MYO19: variants seen among roughly 807,000 people sequenced by gnomAD.
MYO19 encodes unconventional myosin-XIX.
In MYO19, 132 loss-of-function variants were observed where a neutral mutation model predicts 129.2. The ratio of observed to expected loss-of-function variants is 1.02; its 90% CI spans 0.89 to 1.18. The LOEUF is 1.18. Among genes scored for constraint, MYO19 ranks in the 50% most tolerant of loss-of-function variants. MYO19 has a pLI of 0.00. For synonymous variants in MYO19, 531 were observed against 477.2 expected (o/e 1.11, Z -1.47); for missense variants, 1,210 against 1,216.7 (o/e 0.99, Z 0.08).
intron 2 of MYO19, among the ~76,000 whole-genome samples, chr17:36,540,853 TC>T (rs2074193722): frequency 1.3e-5 from 2 of 152,228 alleles, no homozygotes; most frequent in African/African-American, 4.8e-5. Flanking sequence ...AGTCTTCTAA[TC>T]AACTATCATT....
At chr17:36,534,342 G>A (rs2074000806) in intron 1 of MYO19, 2 of 152,284 alleles carry the variant, frequency 1.3e-5, no homozygotes, top group African/African-American at 4.8e-5. Flanking sequence ...CCCAGGGCTG[G>A]GATGCCGTTC....
rs149375600 is a variant in MYO19 at position 36,542,777 on chromosome 17, A to C, written n.310+349T>G. ...AGCACCTCTAGATACTGAAGGCCAC[A>C]GTATCTTGGCTCACTGCAACTTCCG... On this transcript the variant is annotated intron_variant and non_coding_transcript_variant, in intron 1 of 2. Coordinates refer to the MYO19 transcript ENST00000610496. Among the ~76,000 whole-genome samples the C allele has an allele frequency of 5.2e-3, 781 of 151,040 alleles. 13 individuals are homozygous for C. Among genetic ancestry groups the C allele is most frequent in the East Asian group, 0.026 (131 of 4,994 alleles).
At chr17:36,498,060 GAT>G (rs2071164647) in intron 25 of MYO19, 1 of 558,562 alleles carries the variant, frequency 1.8e-6, no homozygotes. Context: ...TTTTTAAAAA[GAT>G]AAAGGGCTCT....
intron 23 of MYO19, 99 bp downstream of exon 23, chr17:36,500,731 A>G (rs2071457433): frequency 1.4e-6 from 2 of 1,460,070 alleles, no homozygotes; most frequent in Non-Finnish European, 1.8e-6. Flanking sequence ...AGGCTGGGAC[A>G]CAGCTTCAGG....
At position 36,496,414 on chromosome 17, in the gene MYO19, GGA is replaced by G. The variant is rs745758814; in HGVS notation, c.2758-10_2758-9del. The G allele has an allele frequency of 3.7e-6, 6 of 1,613,732 alleles. No homozygotes were observed. The South Asian group carries it at 4.4e-5, about 12-fold the overall frequency. On this transcript the variant is annotated splice_polypyrimidine_tract_variant and intron_variant, in intron 25 of 25. Transcript: ENST00000614623. ...GTGAAACTTTATCGATCCCTAGAGG[GGA>G]GAGAGAGATGCAGCTTTAGCACTAG... is the stretch of plus-strand genomic sequence containing the variant.
chr17:36,498,955 G>A (rs1049472545), intron 24 of MYO19, 120 bp downstream of exon 24: 5 of 742,912 alleles, frequency 6.7e-6, no homozygotes, highest in South Asian at 6.4e-5. Flanking sequence ...GGCTCAGAGA[G>A]GCTAAACAAC....
At chr17:36,535,419 AT>A (rs2074080444), upstream of MYO19, 2 of 152,238 alleles carry the variant, frequency 1.3e-5, no homozygotes, top group South Asian at 4.1e-4. Flanking sequence ...GAGCGCCATG[AT>A]GGGCGGAGAC....
upstream of MYO19, chr17:36,538,121 C>T (rs74323480): frequency 1.6e-3 from 2,640 of 1,614,162 alleles, 50 homozygotes; most frequent in African/African-American, 0.032. Flanking sequence ...TAAAAGTAGC[C>T]TGTTTTCTTT....
intron 6 of MYO19, among the ~76,000 whole-genome samples, chr17:36,517,593 C>A (rs2072838945): frequency 6.6e-6 from 1 of 152,118 alleles, no homozygotes; most frequent in Non-Finnish European, 1.5e-5. Flanking sequence ...AGAGAAAAGT[C>A]TTTTATTTCA....
intron 11 of MYO19, among the ~76,000 whole-genome samples, chr17:36,512,389 C>CAAA (rs551345278): frequency 3.0e-4 from 23 of 77,910 alleles, no homozygotes; most frequent in South Asian, 1.2e-3. Context: ...AACTCCATCT[C>CAAA]AAAAAAAAAA....
chr17:36,516,345 A>G (rs1382661623), intron 6 of MYO19, among the ~76,000 whole-genome samples: 1 of 152,198 alleles, frequency 6.6e-6, no homozygotes. Context: ...CTACTCAATG[A>G]CAGGGCTCCC....
chr17:36,520,916 T>C (rs1019141097), intron 6 of MYO19, among the ~76,000 whole-genome samples: 3 of 152,208 alleles, frequency 2.0e-5, no homozygotes, highest in African/African-American at 4.8e-5. Context: ...TGGCAGACCA[T>C]TTGATATTGT....
intron 3 of MYO19, among the ~76,000 whole-genome samples, chr17:36,529,518 C>A (rs1226421779): frequency 6.6e-6 from 1 of 152,170 alleles, no homozygotes; most frequent in Non-Finnish European, 1.5e-5. Context: ...AATTTCAAAT[C>A]TCTCATAGAA....
chr17:36,507,537 G>A lies in MYO19; in HGVS notation c.1354-25C>T, dbSNP rs950790726. ...CCTAAAGAACAAGGTGGGATGAGGT[G>A]GGAGAAGGCAGCTGTGGTCTGATGT... On this transcript the variant is annotated intron_variant, in intron 15 of 25. Coordinates refer to ENST00000614623, the MANE Select transcript of MYO19 (RefSeq NM_001163735.2). 5 of 1,606,022 alleles carry A rather than the reference G, an allele frequency of 3.1e-6. No homozygotes were observed. The African/African-American group carries it at 5.3e-5, about 17-fold the overall frequency.
chr17:36,500,507 G>T, intron 23 of MYO19: 1 of 309,704 alleles, frequency 3.2e-6, no homozygotes, highest in East Asian at 5.4e-5. Flanking sequence ...AGCAGGTAAT[G>T]GTTTGAGTTG....
chr17:36,513,682 A>G lies in MYO19; in HGVS notation c.764T>C (p.Leu255Pro). The stretch of plus-strand genomic sequence containing the variant: ...CCAGGAGAAGGCAGCTCCCTCAGGA[A>G]GGTGCCACTGGAGCCTCTCGTCCTC... ...ASEDERLQWH[L>P]PEGAAFSWLP... Residue 255 changes from leucine (L) to proline (P), a missense_variant, in exon 10 of 26, where the codon CTT becomes CCT. Coordinates refer to ENST00000614623, the MANE Select transcript of MYO19 (RefSeq NM_001163735.2). 6.2e-7 allele frequency: 1 copy of G among 1,613,956 alleles called. No individual in the cohort carries two copies. The highest frequency in any genetic ancestry group is 8.5e-7 in the Non-Finnish European group (1 of 1,179,882).
rs376145338 is a variant in MYO19, at chr17:36,532,576, G to C, written c.-38C>G. 24 of 1,552,420 alleles carry C rather than the reference G, an allele frequency of 1.5e-5. No homozygotes were observed. The highest frequency in any genetic ancestry group is 2.1e-5 in the Non-Finnish European group (24 of 1,147,484). ...TGGTCAGCCAGGGTTCTGGGTTGCA[G>C]GAGGTACAAGGAGTACTATCCACCT... On this transcript the variant is annotated 5_prime_UTR_variant, in exon 3 of 26. Coordinates refer to ENST00000614623, the MANE Select transcript of MYO19 (RefSeq NM_001163735.2).
chr17:36,532,261 C>T (rs2073875990), intron 3 of MYO19, among the ~76,000 whole-genome samples: 1 of 152,202 alleles, frequency 6.6e-6, no homozygotes, highest in African/African-American at 2.4e-5. Flanking sequence ...TCTCTCAGGA[C>T]TTCCTCTGCA....
chr17:36,544,211 A>G (rs1457314495), upstream of MYO19, among the ~76,000 whole-genome samples: 2 of 152,118 alleles, frequency 1.3e-5, no homozygotes, highest in Non-Finnish European at 2.9e-5. Context: ...GCCAAGACGC[A>G]CACACACACA....
Sources: gnomAD v4.1 joint callset for allele counts (sites outside exome capture counted in the v4.1 genomes callset) on GRCh38, gnomAD v4.1.1 for gene constraint, MANE v1.5 for transcripts, NCBI Gene and HGNC (gene_info 2026-07-23, HGNC 2026-07-21) for gene names.